FAM117B: variants seen among roughly 807,000 people sequenced by gnomAD.
FAM117B encodes protein FAM117B.
In FAM117B, 22 loss-of-function variants were observed where a neutral mutation model predicts 52.8. The observed-to-expected ratio is 0.42, with a 90% CI of 0.30 to 0.59. FAM117B has a LOEUF of 0.59. Among genes scored for constraint, FAM117B ranks in the 20% least tolerant of loss-of-function variants. The probability of loss-of-function intolerance (pLI) is 0.22; values close to 1 mark genes in which losing one functional copy is unlikely to be tolerated. For synonymous variants in FAM117B, 309 were observed against 324.1 expected (o/e 0.95, Z 0.50); for missense variants, 678 against 802.6 (o/e 0.84, Z 1.88).
At chr2:202,708,605 A>G (rs1388184626) in intron 2 of FAM117B, among the ~76,000 whole-genome samples, 2 of 151,872 alleles carry the variant, frequency 1.3e-5, no homozygotes, top group African/African-American at 4.8e-5. Flanking sequence ...TCCATTTTTA[A>G]TTATTTGTTT....
rs148965921 is a variant in FAM117B at position 202,672,817 on chromosome 2, T to A, written c.602-23064T>A. 2.2e-4 allele frequency among the ~76,000 whole-genome samples: 34 copies of A among 152,194 alleles called. No individual in the cohort carries two copies. The East Asian group carries it at 6.2e-3, about 28-fold the overall frequency. ...TGGGAAGCTGAGATGGGAGGATTGT[T>A]TGAGACCAGGAGTTCGTGACCAGCC... On this transcript the variant is annotated intron_variant, in intron 1 of 7. Transcript: ENST00000392238.
rs539556372 is a variant in FAM117B, at chr2:202,764,878, T to C, written c.1452-568T>C. Among the ~76,000 whole-genome samples, 3 of 152,292 alleles carry C rather than the reference T, an allele frequency of 2.0e-5. No individual in the cohort carries two copies. In the South Asian group the frequency reaches 6.2e-4, roughly 32 times the overall value. On this transcript the variant is annotated intron_variant, in intron 7 of 7. Coordinates refer to ENST00000392238, the MANE Select transcript of FAM117B (RefSeq NM_173511.4). ...AAACTATCAGGGTTAACTCAAAGAA[T>C]TGTTTCCATCAAAGAGATTTTTACA...
chr2:202,656,257 T>G (rs1032340243), intron 1 of FAM117B, among the ~76,000 whole-genome samples: 2 of 152,204 alleles, frequency 1.3e-5, no homozygotes, highest in African/African-American at 4.8e-5. Flanking sequence ...TCCTACTTGC[T>G]TTTGGTTTAG....
rs115464593 is a variant in FAM117B, at chr2:202,660,576, T to C, written c.601+24788T>C. On this transcript the variant is annotated intron_variant, in intron 1 of 7. Transcript: ENST00000392238. ...GCCTTTAGGTGTGCCTGGAACTTCATACATGGATTTAGGAGTGTTCCTTTT... is the reference window on the plus strand; with the variant it reads ...GCCTTTAGGTGTGCCTGGAACTTCACACATGGATTTAGGAGTGTTCCTTTT... Among the ~76,000 whole-genome samples the C allele has an allele frequency of 1.6e-3, 239 of 152,340 alleles. 1 individual carries two copies. The highest frequency in any genetic ancestry group is 0.01 in the Middle Eastern group (3 of 294).
intron 2 of FAM117B, among the ~76,000 whole-genome samples, chr2:202,720,604 C>CTTT (rs200581712): frequency 2.1e-5 from 3 of 144,860 alleles, no homozygotes; most frequent in Admixed American, 6.9e-5. Context: ...CCCAATATGT[C>CTTT]TTTTTTTTTT....
intron 7 of FAM117B, among the ~76,000 whole-genome samples, chr2:202,763,342 G>A (rs945062736): frequency 2.6e-5 from 4 of 152,078 alleles, no homozygotes; most frequent in African/African-American, 9.7e-5. Flanking sequence ...AAAGTGCTGG[G>A]ATTACAAGCG....
At chr2:202,682,432 A>AACC (rs1690476148) in intron 1 of FAM117B, among the ~76,000 whole-genome samples, 1 of 152,176 alleles carries the variant, frequency 6.6e-6, no homozygotes, top group Non-Finnish European at 1.5e-5. Flanking sequence ...GCAGTCGCCC[A>AACC]ACCACTGCAC....
chr2:202,718,837 G>GCCTACCGA (rs971097420), intron 2 of FAM117B, among the ~76,000 whole-genome samples: 8 of 152,096 alleles, frequency 5.3e-5, no homozygotes, highest in Non-Finnish European at 1.2e-4. Flanking sequence ...ATAAAACTGT[G>GCCTACCGA]CCTACCGACC....
chr2:202,688,874 T>C (rs1394939786), intron 1 of FAM117B, among the ~76,000 whole-genome samples: 1 of 152,196 alleles, frequency 6.6e-6, no homozygotes, highest in Admixed American at 6.5e-5. Flanking sequence ...CGAACAGATC[T>C]TAAAACAAGT....
chr2:202,720,755 T>G (rs1238062570), intron 2 of FAM117B, among the ~76,000 whole-genome samples: 1 of 152,208 alleles, frequency 6.6e-6, no homozygotes, highest in Non-Finnish European at 1.5e-5. Flanking sequence ...TTAATTACAT[T>G]AAGTTTTTAA....
chr2:202,699,191 C>T (rs1200704155), intron 2 of FAM117B, among the ~76,000 whole-genome samples: 2 of 151,928 alleles, frequency 1.3e-5, no homozygotes, highest in African/African-American at 2.4e-5. Flanking sequence ...CTTTGGGAGG[C>T]TGAGGTGGGC....
At chr2:202,715,195 G>A (rs1028000912) in intron 2 of FAM117B, among the ~76,000 whole-genome samples, 1 of 150,718 alleles carries the variant, frequency 6.6e-6, no homozygotes, top group Non-Finnish European at 1.5e-5. Context: ...CGGGTCGGCT[G>A]GCCGGGCGGG....
chr2:202,721,618 TTTAGTATGTAGATGACA>T (rs1691154242), intron 2 of FAM117B, among the ~76,000 whole-genome samples: 21 of 152,272 alleles, frequency 1.4e-4, no homozygotes, highest in Admixed American at 3.3e-4. Context: ...ACCTTATAAT[TTTAGTATGTAGATGACA>T]TTATTCCTTT....
intron 1 of FAM117B, among the ~76,000 whole-genome samples, chr2:202,679,522 C>G (rs1690431304): frequency 6.6e-6 from 1 of 152,170 alleles, no homozygotes; most frequent in Admixed American, 6.5e-5. Context: ...GACTGAGGAG[C>G]TCTATGTTAA....
intron 2 of FAM117B, among the ~76,000 whole-genome samples, chr2:202,710,583 T>C (rs1238175929): frequency 1.3e-5 from 2 of 152,226 alleles, no homozygotes; most frequent in African/African-American, 4.8e-5. Context: ...GATATTATTT[T>C]ACTTATTTTT....
chr2:202,760,337 G>A (rs187394966), intron 7 of FAM117B, among the ~76,000 whole-genome samples: 4 of 152,304 alleles, frequency 2.6e-5, no homozygotes, highest in East Asian at 1.9e-4. Context: ...TCTCAGCAGC[G>A]TGGGAAGGCT....
At chr2:202,644,667 TC>T (rs1689833874) in intron 1 of FAM117B, among the ~76,000 whole-genome samples, 1 of 152,234 alleles carries the variant, frequency 6.6e-6, no homozygotes, top group Non-Finnish European at 1.5e-5. Context: ...TTGAATATCT[TC>T]AGTGATGTCT....
chr2:202,643,648 C>G (rs1689808385), intron 1 of FAM117B, among the ~76,000 whole-genome samples: 1 of 152,126 alleles, frequency 6.6e-6, no homozygotes, highest in Non-Finnish European at 1.5e-5. Flanking sequence ...TTCCTGCCCC[C>G]TAGAAACAAC....
At chr2:202,666,031 C>T (rs1690200517) in intron 1 of FAM117B, among the ~76,000 whole-genome samples, 1 of 152,120 alleles carries the variant, frequency 6.6e-6, no homozygotes, top group Non-Finnish European at 1.5e-5. Flanking sequence ...AAACAAATAG[C>T]TATAAATATG....
Sources: gnomAD v4.1 joint callset for allele counts (sites outside exome capture counted in the v4.1 genomes callset) on GRCh38, gnomAD v4.1.1 for gene constraint, MANE v1.5 for transcripts, NCBI Gene and HGNC (gene_info 2026-07-23, HGNC 2026-07-21) for gene names.